SLC12A2: variants seen among roughly 807,000 people sequenced by gnomAD.
SLC12A2 encodes solute carrier family 12 member 2.
SLC12A2 carries 67 observed loss-of-function variants against 136.3 expected under a neutral mutation model. The observed-to-expected ratio is 0.49, with a 90% confidence interval of 0.40 to 0.60. The LOEUF (loss-of-function observed/expected upper bound fraction) is 0.60, where lower values mean the gene tolerates loss of function less well. SLC12A2 is among the 20% of genes least tolerant of loss of function. The pLI is 0.00. For missense variants in SLC12A2, 1,322 were observed against 1,534.7 expected (o/e 0.86, Z 2.32); for synonymous variants, 619 against 562.9 (o/e 1.10, Z -1.41).
At chr5:128,135,906 G>A (rs993502632) in intron 7 of SLC12A2, 98 bp downstream of exon 7, 1 of 760,932 alleles carries the variant, frequency 1.3e-6, no homozygotes, top group Admixed American at 2.4e-5. Flanking sequence ...TAACAGAATT[G>A]ACTATGGTTT....
rs1007520057 is a variant in SLC12A2, at chr5:128,177,267, TA to T, written c.2977+116del. The T allele has an allele frequency of 1.5e-4, 102 of 687,644 alleles. No individual in the cohort carries two copies. The African/African-American group carries it at 1.9e-3, about 13-fold the overall frequency. 42.6% of individuals were successfully genotyped at this position (687,644 alleles called of 1,614,324 possible). On this transcript the variant is annotated intron_variant, in intron 21 of 26. Coordinates refer to ENST00000262461, the MANE Select transcript of SLC12A2 (RefSeq NM_001046.3). The stretch of plus-strand genomic sequence containing the variant: ...TTTTATTTCCATGGTGAGGTAATGT[TA>T]CAGTTCTATAAATGCAGATTAGAAA...
At chr5:128,184,700 A>C in intron 25 of SLC12A2, 89 bp from the exon 26 acceptor site, 1 of 1,583,828 alleles carries the variant, frequency 6.3e-7, no homozygotes, top group Non-Finnish European at 8.6e-7. Context: ...AATTCATTTC[A>C]GTTTCTTTTT....
chr5:128,142,758 T>C (rs1006387343), intron 10 of SLC12A2, among the ~76,000 whole-genome samples: 4 of 152,182 alleles, frequency 2.6e-5, no homozygotes, highest in African/African-American at 9.7e-5. Flanking sequence ...ATTCCTCCCA[T>C]TTTAGCCTTT....
intron 1 of SLC12A2, among the ~76,000 whole-genome samples, chr5:128,107,008 A>G (rs1760962876): frequency 6.6e-6 from 1 of 152,294 alleles, no homozygotes; most frequent in African/African-American, 2.4e-5. Flanking sequence ...CCATTAAAAA[A>G]ACTGAAGAGC....
intron 4 of SLC12A2, among the ~76,000 whole-genome samples, chr5:128,119,234 T>C (rs1761463878): frequency 6.6e-6 from 1 of 152,164 alleles, no homozygotes; most frequent in Non-Finnish European, 1.5e-5. Flanking sequence ...GGAAGAGTGA[T>C]GTCTGGTGAA....
intron 25 of SLC12A2, 118 bp from the exon 26 acceptor site, chr5:128,184,669 CAG>C (rs1379671631): frequency 6.7e-7 from 1 of 1,498,034 alleles, no homozygotes; most frequent in East Asian, 2.3e-5. Flanking sequence ...AAATAGAGAA[CAG>C]ATATTTTTAT....
intron 4 of SLC12A2, among the ~76,000 whole-genome samples, chr5:128,115,704 G>T (rs1394145924): frequency 1.3e-5 from 2 of 152,200 alleles, no homozygotes; most frequent in African/African-American, 4.8e-5. Context: ...ACTGAGAAAA[G>T]ATCTATTTCA....
rs915910108 is a variant in SLC12A2, at chr5:128,189,567, C to T, written c.*2936C>T. The T allele has an allele frequency of 1.3e-5, 2 of 152,568 alleles. No homozygotes were observed. Among genetic ancestry groups the T allele is most frequent in the African/African-American group, 2.4e-5 (1 of 41,434 alleles). The allele number at this position is 152,568 out of a possible 1,614,324, so 9.5% of individuals were successfully genotyped here. A position where few individuals can be genotyped will look rare whatever the true frequency, so the allele number is the denominator to read the frequency against. ...CTGAAAATGTAATATTTTGATAATACTGTAATATACCTGTCACACAAATGC... is the reference window on the plus strand; with the variant it reads ...CTGAAAATGTAATATTTTGATAATATTGTAATATACCTGTCACACAAATGC... On this transcript the variant is annotated 3_prime_UTR_variant, in exon 27 of 27. Coordinates refer to ENST00000262461, the MANE Select transcript of SLC12A2 (RefSeq NM_001046.3).
In SLC12A2 at chr5:128,131,047, G is replaced by T. The variant is rs776028885; in HGVS notation, c.1049-20G>T. ...CCTAACTTTAGTACCTGTTTTTTTT[G>T]TTTGTTTGTTTGTTTTTAGGAGGAG... On this transcript the variant is annotated intron_variant, in intron 4 of 26. Transcript: ENST00000262461. 7.7e-5 allele frequency: 122 copies of T among 1,577,546 alleles called. No individual in the cohort carries two copies. Among genetic ancestry groups the T allele is most frequent in the Admixed American group, 5.9e-4 (33 of 55,698 alleles).
chr5:128,094,313 G>C (rs1311936972), intron 1 of SLC12A2, among the ~76,000 whole-genome samples: 1 of 151,500 alleles, frequency 6.6e-6, no homozygotes, highest in Non-Finnish European at 1.5e-5. Context: ...TGGTACAAAA[G>C]AATCTTACCT....
intron 11 of SLC12A2, among the ~76,000 whole-genome samples, chr5:128,148,173 A>C (rs1466815846): frequency 6.6e-6 from 1 of 151,750 alleles, no homozygotes; most frequent in Non-Finnish European, 1.5e-5. Flanking sequence ...GGGTATGATG[A>C]TGTATAGGAT....
intron 24 of SLC12A2, among the ~76,000 whole-genome samples, chr5:128,183,813 A>G (rs1260537769): frequency 6.6e-6 from 1 of 152,032 alleles, no homozygotes; most frequent in Non-Finnish European, 1.5e-5. Context: ...CATGTTAGCT[A>G]CTATGGTAAA....
At chr5:128,166,689 A>G (rs1346746083) in intron 17 of SLC12A2, among the ~76,000 whole-genome samples, 1 of 151,984 alleles carries the variant, frequency 6.6e-6, no homozygotes, top group Non-Finnish European at 1.5e-5. Flanking sequence ...AGGGTTATAG[A>G]ATTTCTGTTT....
In SLC12A2 at chr5:128,150,074, C is replaced by T; in HGVS notation, c.2083C>T (p.His695Tyr). Reference protein sequence around the residue: ...SYALINFSVFHASLAKSPGWR... With the variant: ...SYALINFSVFYASLAKSPGWR... ...TGCATTGATCAATTTTTCAGTATTC[C>T]ATGCATCACTTGCAAAATCTCCAGG... The change falls in exon 13 of 27, where the codon CAT (histidine) becomes TAT (tyrosine). Residue 695 changes from histidine to tyrosine, a missense_variant. His to Tyr is a moderately conservative substitution (Grantham distance 83). Transcript: ENST00000262461. 6.2e-7 allele frequency: 1 copy of T among 1,603,964 alleles called. No homozygotes were observed. Among genetic ancestry groups the T allele is most frequent in the East Asian group, 2.2e-5 (1 of 44,714 alleles).
At chr5:128,113,254 C>T (rs1761220306) in intron 2 of SLC12A2, among the ~76,000 whole-genome samples, 1 of 152,118 alleles carries the variant, frequency 6.6e-6, no homozygotes, top group Admixed American at 6.5e-5. Context: ...AATATGAAGA[C>T]TATCAAATTG....
chr5:128,171,879 A>C lies in SLC12A2; in HGVS notation c.2803+133A>C, dbSNP rs1763386334. ...TCGTGGACTTATTGTATGGCATTTT[A>C]AGATCACATCTGTTTGGCTCCACTA... On this transcript the variant is annotated intron_variant, in intron 19 of 26. Transcript: ENST00000262461. 8.8e-6 allele frequency: 5 copies of C among 570,570 alleles called. No individual in the cohort carries two copies. In the South Asian group the frequency reaches 1.1e-4, roughly 12 times the overall value. 35.3% of individuals were successfully genotyped at this position (570,570 alleles called of 1,614,324 possible).
intron 22 of SLC12A2, among the ~76,000 whole-genome samples, chr5:128,179,885 A>G (rs931172995): frequency 1.5e-5 from 2 of 134,776 alleles, no homozygotes; most frequent in African/African-American, 2.8e-5. Context: ...CAATTGTCCT[A>G]TATTTCGCCA....
rs1763037528 is a variant in SLC12A2, at chr5:128,161,565, C to T, written c.2476-95C>T. ...ATACTTCTGACCCTACATTTAGTCACCTGTTTCAAGCCAGTATAACAGGAT... is the reference window on the plus strand; with the variant it reads ...ATACTTCTGACCCTACATTTAGTCATCTGTTTCAAGCCAGTATAACAGGAT... On this transcript the variant is annotated intron_variant, in intron 16 of 26. Transcript: ENST00000262461. The T allele has an allele frequency of 4.4e-6, 3 of 684,792 alleles. No homozygotes were observed. The South Asian group carries it at 2.1e-4, about 49-fold the overall frequency. 42.4% of individuals were successfully genotyped at this position (684,792 alleles called of 1,614,324 possible). A position where few individuals can be genotyped will look rare whatever the true frequency, so the allele number is the denominator to read the frequency against.
chr5:128,168,996 T>C (rs2086138), intron 18 of SLC12A2: 2 of 152,248 alleles, frequency 1.3e-5, no homozygotes, highest in South Asian at 2.1e-4. Context: ...ATCTACCACA[T>C]ACTTTTTGTT....
Sources: gnomAD v4.1 joint callset for allele counts (sites outside exome capture counted in the v4.1 genomes callset) on GRCh38, gnomAD v4.1.1 for gene constraint, MANE v1.5 for transcripts, NCBI Gene and HGNC (gene_info 2026-07-23, HGNC 2026-07-21) for gene names.